Variants in INPP5B observed in about 807,000 individuals in gnomAD.
The protein encoded by INPP5B is type II inositol 1,4,5-trisphosphate 5-phosphatase.
Under a neutral mutation model 118.5 loss-of-function variants are expected in INPP5B, and 90 were observed. The observed-to-expected ratio is 0.76, with a 90% CI of 0.64 to 0.90. The LOEUF (loss-of-function observed/expected upper bound fraction) is 0.90. Ranked by LOEUF, INPP5B falls within the 40% of genes least tolerant of loss-of-function variation. INPP5B has a pLI of 0.00. For missense variants in INPP5B, 984 were observed against 1,125.6 expected, an observed-to-expected ratio of 0.87 and a Z score of 1.80; for synonymous variants, 385 against 418.9, an observed-to-expected ratio of 0.92 and a Z score of 0.99.
At chr1:37,921,583 A>C (rs1645054544) in intron 7 of INPP5B, among the ~76,000 whole-genome samples, 1 of 152,212 alleles carries the variant, frequency 6.6e-6, no homozygotes, top group South Asian at 2.1e-4. Flanking sequence ...GCAGTGCCTC[A>C]CGCCTATTAT....
chr1:37,867,311 A>C (rs946821528), intron 20 of INPP5B, among the ~76,000 whole-genome samples: 2 of 152,242 alleles, frequency 1.3e-5, no homozygotes, highest in East Asian at 3.8e-4. Flanking sequence ...AAATGACTTA[A>C]TACCATATAA....
rs1040718116 is a variant in INPP5B at position 37,884,524 on chromosome 1, C to G, written c.1319+1114G>C. Among the ~76,000 whole-genome samples the G allele has an allele frequency of 1.1e-4, 17 of 152,160 alleles. No individual in the cohort carries two copies. In the East Asian group the frequency reaches 2.5e-3, roughly 22 times the overall value. On this transcript the variant is annotated intron_variant, in intron 13 of 23. Transcript: ENST00000373024. Reference sequence around the variant, plus strand: ...TCTTGAACTCCCGGGCTCAATCGATCCCCCCACCTCAGCCTCCTAAAATGC... The same window carrying G: ...TCTTGAACTCCCGGGCTCAATCGATGCCCCCACCTCAGCCTCCTAAAATGC...
At chr1:37,885,399 G>A (rs1054860990) in intron 13 of INPP5B, 1 of 390,694 alleles carries the variant, frequency 2.6e-6, no homozygotes, top group Non-Finnish European at 4.7e-6. Context: ...AGGCGACAGA[G>A]CGCGACTCCA....
chr1:37,940,871 A>G, intron 5 of INPP5B, 73 bp from the exon 6 acceptor site: 3 of 1,043,184 alleles, frequency 2.9e-6, no homozygotes, highest in Non-Finnish European at 4.4e-6. Context: ...AAGCCTGAGA[A>G]TGGAGAATCA....
At chr1:37,942,412 C>A (rs1332337668) in intron 5 of INPP5B, 1 of 151,736 alleles carries the variant, frequency 6.6e-6, no homozygotes, top group Admixed American at 6.6e-5. Context: ...CCAGCCTGGG[C>A]AACAGAGCGA....
At position 37,907,439 on chromosome 1, in the gene INPP5B, C is replaced by A. The variant is rs761817044; in HGVS notation, c.533-15985G>T. ...AAGATGGATTTTCATCCCTTTGCAA[C>A]CCTTATGATTAAGGGCTCTTTTATA... On this transcript the variant is annotated intron_variant, in intron 7 of 23. Transcript: ENST00000373024. This position sits in a 1 kb window ranked among gnomAD's most constrained non-coding sequence, Gnocchi z 4.3. Among the ~76,000 whole-genome samples the A allele has an allele frequency of 1.4e-4, 21 of 152,242 alleles. No individual in the cohort carries two copies. Among genetic ancestry groups the A allele is most frequent in the Admixed American group, 4.6e-4 (7 of 15,294 alleles).
At chr1:37,879,899 A>G (rs1433064718) in intron 15 of INPP5B, among the ~76,000 whole-genome samples, 186 bp downstream of exon 15, 1 of 152,252 alleles carries the variant, frequency 6.6e-6, no homozygotes, top group Non-Finnish European at 1.5e-5. Flanking sequence ...GCAGTCACAA[A>G]GTTAATACAT....
intron 7 of INPP5B, among the ~76,000 whole-genome samples, chr1:37,918,223 A>G (rs540250225): frequency 1.9e-4 from 29 of 152,100 alleles, no homozygotes; most frequent in Non-Finnish European, 3.5e-4. Context: ...CTCCCTACCC[A>G]TTTAGCCTCT....
chr1:37,862,429 A>C lies in INPP5B; in HGVS notation c.2628T>G (p.Ala876=). ...AKNHLDENIL[A]SIFGSLLLRN... ...GAAGCAATAAGCTGCCAAATATGCT[A>C]GCTGCAAGAAAAAACACAGAAAAGA... Residue 876 remains alanine, a splice_region_variant and synonymous_variant, in exon 24 of 24, where the codon GCT becomes GCG. Coordinates refer to ENST00000373024, the MANE Select transcript of INPP5B (RefSeq NM_005540.3). 1 of 1,596,018 alleles carries C rather than the reference A, an allele frequency of 6.3e-7. No individual in the cohort carries two copies. Among genetic ancestry groups the C allele is most frequent in the East Asian group, 2.2e-5 (1 of 44,796 alleles).
At chr1:37,917,751 T>G (rs1351058277) in intron 7 of INPP5B, among the ~76,000 whole-genome samples, 1 of 152,062 alleles carries the variant, frequency 6.6e-6, no homozygotes, top group African/African-American at 2.4e-5. Context: ...TCAATCAACA[T>G]AGCAAGACCC....
At chr1:37,896,786 C>T (rs1197466370) in intron 7 of INPP5B, among the ~76,000 whole-genome samples, 1 of 142,476 alleles carries the variant, frequency 7.0e-6, no homozygotes, top group African/African-American at 2.6e-5. Flanking sequence ...GTGGGGGGGT[C>T]AGCCCCCTGC....
intron 7 of INPP5B, among the ~76,000 whole-genome samples, chr1:37,901,052 C>T (rs536601886): frequency 1.1e-3 from 166 of 152,266 alleles, no homozygotes; most frequent in African/African-American, 3.7e-3. Context: ...CTTGGTGATC[C>T]GCCTGCCTCG....
chr1:37,890,268 G>A (rs1239009581), intron 8 of INPP5B, among the ~76,000 whole-genome samples: 4 of 151,878 alleles, frequency 2.6e-5, no homozygotes, highest in African/African-American at 7.3e-5. Context: ...CCAGCTCCTC[G>A]GGAGGCTGAG....
rs1249681195 is a variant in INPP5B at position 37,889,566 on chromosome 1, T to C, written c.788A>G (p.Gln263Arg). Residue 263 changes from glutamine (Q) to arginine (R), a missense_variant, in exon 9 of 24, where the codon CAG (glutamine) becomes CGG (arginine). Transcript: ENST00000373024. ...GAACCCAGTTAGCTACCTGAAGTTC[T>C]GGATATAGGTGTAATCCTCTTCTTT... Reference protein sequence around the residue: ...LQKEEDYTYIQNFRFFAGTYN... With the variant: ...LQKEEDYTYIRNFRFFAGTYN... The C allele has an allele frequency of 5.6e-6, 9 of 1,610,412 alleles. No individual in the cohort carries two copies. The highest frequency in any genetic ancestry group is 7.6e-6 in the Non-Finnish European group (9 of 1,178,450).
intron 7 of INPP5B, among the ~76,000 whole-genome samples, chr1:37,903,595 C>T (rs992253091): frequency 2.6e-5 from 4 of 152,116 alleles, no homozygotes; most frequent in Admixed American, 6.5e-5. Flanking sequence ...GGCATGGTGG[C>T]GGGTGCCTGT....
intron 7 of INPP5B, among the ~76,000 whole-genome samples, chr1:37,905,542 T>C (rs182062504): frequency 6.6e-6 from 1 of 152,382 alleles, no homozygotes; most frequent in Non-Finnish European, 1.5e-5. Flanking sequence ...CATGCCACTG[T>C]GGTAACCAAA....
intron 7 of INPP5B, among the ~76,000 whole-genome samples, chr1:37,924,152 G>A (rs532717177): frequency 1.3e-5 from 2 of 151,586 alleles, no homozygotes; most frequent in South Asian, 4.2e-4. Context: ...AGTTCTCAGA[G>A]GTGAGCATTT....
intron 7 of INPP5B, among the ~76,000 whole-genome samples, chr1:37,900,359 A>G (rs1644286092): frequency 6.6e-6 from 1 of 151,530 alleles, no homozygotes; most frequent in South Asian, 2.1e-4. Flanking sequence ...GGTTCAAGCG[A>G]TTCTCCTGCC....
Position 37,885,908 on chromosome 1 carries a change from G to T in INPP5B, c.1132-83C>A, listed in dbSNP as rs762247246. The T allele has an allele frequency of 2.3e-6, 3 of 1,286,534 alleles. No homozygotes were observed. The African/African-American group carries it at 4.4e-5, about 19-fold the overall frequency. 79.7% of individuals were successfully genotyped at this position (1,286,534 alleles called of 1,614,324 possible). On this transcript the variant is annotated intron_variant, in intron 12 of 23. Transcript: ENST00000373024. ...ACCTACAAACTTTCTGGCCGGGCAC[G>T]GTGGCTCACGCCTGTAATCCCAGCA...
Sources: gnomAD v4.1 joint callset for allele counts (sites outside exome capture counted in the v4.1 genomes callset) on GRCh38, gnomAD v4.1.1 for gene constraint, Gnocchi (gnomAD v3.1) non-coding constraint, MANE v1.5 for transcripts, NCBI Gene and HGNC (gene_info 2026-07-23, HGNC 2026-07-21) for gene names.